AAAS: variants seen among roughly 807,000 people sequenced by gnomAD.
AAAS encodes aladin WD repeat nucleoporin.
In AAAS, 60 loss-of-function variants were observed where a neutral mutation model predicts 75.6. That is an observed-to-expected ratio of 0.79 (90% CI 0.64 to 0.98). AAAS has a LOEUF of 0.98. AAAS is among the 50% of genes least tolerant of loss of function. AAAS has a pLI of 0.00. For synonymous variants in AAAS, 271 were observed against 265.0 expected (o/e 1.02, Z -0.22); for missense variants, 658 against 686.9 (o/e 0.96, Z 0.47).
chr12:53,318,359 C>G (rs1944499537), intron 2 of AAAS, among the ~76,000 whole-genome samples: 1 of 151,904 alleles, frequency 6.6e-6, no homozygotes, highest in South Asian at 2.1e-4. Context: ...TGGGTGCAAG[C>G]AATTCTTGCA....
At chr12:53,316,464 G>GA (rs879938313) in intron 2 of AAAS, among the ~76,000 whole-genome samples, 106 of 109,564 alleles carry the variant, frequency 9.7e-4, no homozygotes, top group Middle Eastern at 7.9e-3. Flanking sequence ...CAAAAAAGAA[G>GA]AAAAAAAAAA....
In AAAS at chr12:53,307,617, G is replaced by A. The variant is rs749063671; in HGVS notation, c.1513C>T (p.Pro505Ser). Residue 505 changes from proline to serine, a missense_variant, in exon 16 of 16, where the codon CCT (proline) becomes TCT (serine). Transcript: ENST00000209873. Reference protein sequence around the residue: ...SPVLGRAQEPPAGGGGSIHDL... With the variant: ...SPVLGRAQEPSAGGGGSIHDL... The stretch of plus-strand genomic sequence containing the variant: ...TGAATAGAGCCTCCACCCCCAGCAG[G>A]GGGTTCCTGGGCCCGCCCAAGCACT... 1 of 1,614,224 alleles carries A rather than the reference G, an allele frequency of 6.2e-7. No individual in the cohort carries two copies. The highest frequency in any genetic ancestry group is 1.1e-5 in the South Asian group (1 of 91,086).
chr12:53,310,195 A>C (rs1353545503), intron 7 of AAAS, among the ~76,000 whole-genome samples: 1 of 152,226 alleles, frequency 6.6e-6, no homozygotes, highest in Non-Finnish European at 1.5e-5. Flanking sequence ...CTGTGCTCCC[A>C]AACAGCCCTC....
At chr12:53,315,244 C>T (rs1306799538) in intron 4 of AAAS, 91 bp downstream of exon 4, 15 of 1,595,690 alleles carry the variant, frequency 9.4e-6, no homozygotes, top group Non-Finnish European at 1.3e-5. Context: ...GAAGTCATCA[C>T]ACCCAACCCT....
At position 53,320,682 on chromosome 12, in the gene AAAS, A is replaced by T; in HGVS notation, c.134T>A (p.Leu45His). ...PPDFRGQWIN[L>H]PVLQLTKDPL... is the part of the protein sequence containing the mutation. ...ATCCTTTGTCAGTTGTAGGACAGGA[A>T]GATTGATCCACTATAGCACAAAAGT... is the stretch of plus-strand genomic sequence containing the variant. Residue 45 changes from leucine (L) to histidine (H), a missense_variant, in exon 2 of 16, where the codon CTT (leucine) becomes CAT (histidine). By Grantham distance (99) the Leu-to-His change is moderately conservative. Coordinates refer to ENST00000209873, the MANE Select transcript of AAAS (RefSeq NM_015665.6). The T allele has an allele frequency of 6.2e-7, 1 of 1,614,102 alleles. No homozygotes were observed. Among genetic ancestry groups the T allele is most frequent in the Non-Finnish European group, 8.5e-7 (1 of 1,179,990 alleles).
rs1944305989 is a variant in AAAS, at chr12:53,307,599, A to G, written c.1531T>C (p.Ser511Pro). The change falls in exon 16 of 16, where the codon TCT (serine) becomes CCT (proline). Residue 511 changes from serine to proline, a missense_variant. Physicochemically the swap from Ser to Pro is moderately conservative, Grantham distance 74. Coordinates refer to ENST00000209873, the MANE Select transcript of AAAS (RefSeq NM_015665.6). ...GTAAAGAGGGGCAGGTCATGAATAG[A>G]GCCTCCACCCCCAGCAGGGGGTTCC... is the stretch of plus-strand genomic sequence containing the variant. The part of the protein sequence containing the change: ...AQEPPAGGGG[S>P]IHDLPLFTET... 1 of 1,614,192 alleles carries G rather than the reference A, an allele frequency of 6.2e-7. No homozygotes were observed. The highest frequency in any genetic ancestry group is 8.5e-7 in the Non-Finnish European group (1 of 1,180,024).
In AAAS at chr12:53,308,826, G is replaced by A. The variant is rs374427447; in HGVS notation, c.997-11C>T. On this transcript the variant is annotated splice_polypyrimidine_tract_variant and intron_variant, in intron 10 of 15. Transcript: ENST00000209873. Reference sequence around the variant, plus strand: ...GCTCCAGCAGCCAGTCTGGGGTCAGGGAGCAAAAGGCAGGAGAAGGTATGT... The same window carrying A: ...GCTCCAGCAGCCAGTCTGGGGTCAGAGAGCAAAAGGCAGGAGAAGGTATGT... 1.2e-6 allele frequency: 2 copies of A among 1,613,816 alleles called. No individual in the cohort carries two copies. Among genetic ancestry groups the A allele is most frequent in the African/African-American group, 2.7e-5 (2 of 74,924 alleles).
intron 1 of AAAS, chr12:53,321,103 A>C: frequency 1.6e-5 from 10 of 606,760 alleles, no homozygotes; most frequent in Non-Finnish European, 2.6e-5. Flanking sequence ...CACTCCCTAG[A>C]TTCTCCCTCA....
At chr12:53,308,937 T>C in intron 10 of AAAS, 23 bp downstream of exon 10, 1 of 1,614,192 alleles carries the variant, frequency 6.2e-7, no homozygotes, top group South Asian at 1.1e-5. Context: ...CCCCAGTGTC[T>C]GTGAATCAGA....
intron 7 of AAAS, among the ~76,000 whole-genome samples, chr12:53,311,854 T>C (rs945036772): frequency 6.6e-6 from 1 of 151,668 alleles, no homozygotes; most frequent in East Asian, 1.9e-4. Flanking sequence ...GCAGAGGTTG[T>C]TGCAGTGAGC....
Position 53,315,805 on chromosome 12 carries a change from G to A in AAAS, c.252-23C>T, listed in dbSNP as rs747523017. On this transcript the variant is annotated intron_variant, in intron 2 of 15. Coordinates refer to ENST00000209873, the MANE Select transcript of AAAS (RefSeq NM_015665.6). ...CGCCTGATAAGGGAGGAAAATGTGG[G>A]TCAGCTTACTCTGATCCCCTCTGTC... The A allele has an allele frequency of 9.3e-6, 15 of 1,612,234 alleles. No homozygotes were observed. The East Asian group carries it at 2.7e-4, about 29-fold the overall frequency.
chr12:53,309,325 A>G, intron 8 of AAAS, 44 bp from the exon 9 acceptor site: 1 of 1,611,340 alleles, frequency 6.2e-7, no homozygotes, highest in Non-Finnish European at 8.5e-7. Context: ...CAAGCACCCC[A>G]TCATCTCACA....
Position 53,314,284 on chromosome 12 carries a change from C to G in AAAS, c.689+14G>C. ...AACTCTCAGGCCAAGGTAAGGCAGGCTACTAGGACTTACCGGGTAGACAAG... is the reference window on the plus strand; with the variant it reads ...AACTCTCAGGCCAAGGTAAGGCAGGGTACTAGGACTTACCGGGTAGACAAG... On this transcript the variant is annotated intron_variant, in intron 7 of 15. Coordinates refer to ENST00000209873, the MANE Select transcript of AAAS (RefSeq NM_015665.6). 11 of 1,614,146 alleles carry G rather than the reference C, an allele frequency of 6.8e-6. No individual in the cohort carries two copies. The highest frequency in any genetic ancestry group is 9.3e-6 in the Non-Finnish European group (11 of 1,180,014).
intron 2 of AAAS, 104 bp from the exon 3 acceptor site, chr12:53,315,886 C>T (rs576200524): frequency 5.5e-6 from 7 of 1,275,684 alleles, no homozygotes; most frequent in Admixed American, 2.0e-5. Flanking sequence ...TGGGCACTCA[C>T]ATTTAATGAG....
intron 7 of AAAS, among the ~76,000 whole-genome samples, chr12:53,311,475 C>T (rs747730744): frequency 1.3e-5 from 2 of 152,170 alleles, no homozygotes; most frequent in African/African-American, 2.4e-5. Flanking sequence ...ACCTTCCAGG[C>T]GTGGTGTACG....
chr12:53,309,545 G>A, intron 8 of AAAS, 56 bp downstream of exon 8: 17 of 1,612,304 alleles, frequency 1.1e-5, no homozygotes, highest in South Asian at 9.9e-5. Context: ...CCACAACCGA[G>A]TGAGGAACAC....
At position 53,314,334 on chromosome 12, in the gene AAAS, A is replaced by G. The variant is rs796232206; in HGVS notation, c.653T>C (p.Leu218Pro). Residue 218 changes from leucine to proline, a missense_variant, in exon 7 of 16, where the codon CTT becomes CCT. By Grantham distance (98) the Leu-to-Pro change is moderately conservative. Transcript: ENST00000209873. Reference protein sequence around the residue: ...VLAVACQSCILIWTLDPTSLS... With the variant: ...VLAVACQSCIPIWTLDPTSLS... ...GGAGGTAGGGTCCAGGGTCCAGATA[A>G]GAATGCAGCTCTGGCAGGCCACAGC... 2 of 1,614,188 alleles carry G rather than the reference A, an allele frequency of 1.2e-6. No individual in the cohort carries two copies. Among genetic ancestry groups the G allele is most frequent in the African/African-American group, 2.7e-5 (2 of 75,056 alleles).
chr12:53,311,450 CAAA>C (rs987207281), intron 7 of AAAS, among the ~76,000 whole-genome samples: 1 of 151,806 alleles, frequency 6.6e-6, no homozygotes, highest in South Asian at 2.1e-4. Context: ...TTAGTAGAAA[CAAA>C]AAAAACCAAC....
intron 7 of AAAS, among the ~76,000 whole-genome samples, chr12:53,310,184 C>T (rs529580329): frequency 3.7e-4 from 57 of 152,336 alleles, no homozygotes; most frequent in African/African-American, 1.3e-3. Context: ...CAGAACACAT[C>T]CTGTGCTCCC....
Sources: gnomAD v4.1 joint callset for allele counts (sites outside exome capture counted in the v4.1 genomes callset) on GRCh38, gnomAD v4.1.1 for gene constraint, MANE v1.5 for transcripts, NCBI Gene and HGNC (gene_info 2026-07-23, HGNC 2026-07-21) for gene names.